SUPT16H: variants seen among roughly 807,000 people sequenced by gnomAD.
SUPT16H encodes SPT16 homolog, facilitates chromatin remodeling subunit.
A neutral mutation model predicts 136.2 loss-of-function variants in SUPT16H; 24 were observed. That is an observed-to-expected ratio of 0.18 (90% confidence interval 0.13 to 0.25). The LOEUF (loss-of-function observed/expected upper bound fraction) is 0.25. Ranked by LOEUF, SUPT16H falls within the 10% of genes least tolerant of loss-of-function variation. The pLI, the probability that SUPT16H is intolerant of heterozygous loss-of-function variation, is 1.00. For synonymous variants in SUPT16H, 415 were observed against 428.2 expected (o/e 0.97, Z 0.38); for missense variants, 623 against 1,270.2 (o/e 0.49, Z 7.74).
At chr14:21,381,373 T>C (rs1249310131) in intron 1 of SUPT16H, among the ~76,000 whole-genome samples, 2 of 152,150 alleles carry the variant, frequency 1.3e-5, no homozygotes, top group African/African-American at 4.8e-5. Flanking sequence ...TTCCTATTCT[T>C]ATTTTTAAAA....
At chr14:21,383,677 G>C (rs1470141240) in intron 1 of SUPT16H, 185 bp downstream of exon 1, 2 of 729,834 alleles carry the variant, frequency 2.7e-6, no homozygotes, top group South Asian at 1.5e-5. Flanking sequence ...GGGTGAATGC[G>C]GGGGATTCCC....
intron 1 of SUPT16H, 197 bp downstream of exon 1, chr14:21,383,665 C>T (rs1253109848): frequency 1.4e-6 from 1 of 721,426 alleles, no homozygotes; most frequent in Non-Finnish European, 2.5e-6. Flanking sequence ...GGCCGCAGGA[C>T]AGGGTGAATG....
chr14:21,374,311 T>C (rs996394689), intron 1 of SUPT16H, among the ~76,000 whole-genome samples: 16 of 152,270 alleles, frequency 1.1e-4, no homozygotes, highest in African/African-American at 3.9e-4. Context: ...TCAACCTCAA[T>C]ACCAATGTCC....
chr14:21,368,179 A>C, intron 7 of SUPT16H, 90 bp downstream of exon 7: 1 of 1,357,920 alleles, frequency 7.4e-7, no homozygotes, highest in African/African-American at 1.5e-5. Flanking sequence ...TCGGCCTCCC[A>C]GTGTAGGGAT....
At chr14:21,361,632 A>AT (rs1432576992) in intron 15 of SUPT16H, among the ~76,000 whole-genome samples, 1 of 151,398 alleles carries the variant, frequency 6.6e-6, no homozygotes, top group Non-Finnish European at 1.5e-5. Context: ...TTCTTTTTTC[A>AT]TTTTTCAAAT....
At chr14:21,358,067 A>T (rs1886473227) in intron 20 of SUPT16H, 65 bp from the exon 21 acceptor site, 2 of 1,438,558 alleles carry the variant, frequency 1.4e-6, no homozygotes, top group African/African-American at 2.8e-5. Context: ...CACAACAGAC[A>T]AACTTCTTCC....
In SUPT16H at chr14:21,377,371, C is replaced by T. The variant is rs370825002; in HGVS notation, c.67-3941G>A. On this transcript the variant is annotated intron_variant, in intron 1 of 25. Coordinates refer to ENST00000216297, the MANE Select transcript of SUPT16H (RefSeq NM_007192.4). ...CTGGAAATAGAATCATATCAGCCTT[C>T]TCAAAAGTAACACTGAAGTCTTTGA... Among the ~76,000 whole-genome samples, 13 of 152,334 alleles carry T rather than the reference C, an allele frequency of 8.5e-5. No homozygotes were observed. In the South Asian group the frequency reaches 2.7e-3, roughly 32 times the overall value.
chr14:21,352,316 A>G lies in SUPT16H; in HGVS notation c.*357T>C. ...TACGGGTAATTAAGGGTCACCTTGT[A>G]CCACTGTCTTGGAAATACAGCTTTG... On this transcript the variant is annotated 3_prime_UTR_variant, in exon 26 of 26. Transcript: ENST00000216297. 1 of 272,324 alleles carries G rather than the reference A, an allele frequency of 3.7e-6. No individual in the cohort carries two copies. Among genetic ancestry groups the G allele is most frequent in the South Asian group, 4.9e-5 (1 of 20,598 alleles). 16.9% of individuals were successfully genotyped at this position (272,324 alleles called of 1,614,324 possible).
rs2139391964 is a variant in SUPT16H, at chr14:21,352,513, TC to T, written c.*159del. On this transcript the variant is annotated 3_prime_UTR_variant, in exon 26 of 26. Coordinates refer to ENST00000216297, the MANE Select transcript of SUPT16H (RefSeq NM_007192.4). The stretch of plus-strand genomic sequence containing the variant: ...GCACGTGTCCTGGTGGGCCTGGAAT[TC>T]CCCGAGTAGATTGGTCCACACAAAT... 2 of 1,184,790 alleles carry T rather than the reference TC, an allele frequency of 1.7e-6. No individual in the cohort carries two copies. The highest frequency in any genetic ancestry group is 1.5e-5 in the South Asian group (1 of 67,970). The allele number at this position is 1,184,790 out of a possible 1,614,324, so 73.4% of individuals were successfully genotyped here.
chr14:21,368,538 G>T, intron 6 of SUPT16H, 97 bp from the exon 7 acceptor site: 1 of 1,321,916 alleles, frequency 7.6e-7, no homozygotes, highest in Non-Finnish European at 1.0e-6. Context: ...ACTTTTCCCT[G>T]CCATATCCCA....
chr14:21,358,280 C>T, intron 20 of SUPT16H, 35 bp downstream of exon 20: 1 of 1,273,644 alleles, frequency 7.9e-7, no homozygotes, highest in Non-Finnish European at 1.1e-6. Context: ...AAAGACAGAC[C>T]AGTCAAACTT....
At chr14:21,358,268 C>G (rs1205505093) in intron 20 of SUPT16H, 47 bp downstream of exon 20, 7 of 1,178,854 alleles carry the variant, frequency 5.9e-6, no homozygotes, top group Non-Finnish European at 7.4e-6. Context: ...TTTATTGTAC[C>G]AAAAGACAGA....
At position 21,369,317 on chromosome 14, in the gene SUPT16H, C is replaced by T. The variant is rs1288715504; in HGVS notation, c.669G>A (p.Lys223=). 1.2e-6 allele frequency: 2 copies of T among 1,614,012 alleles called. No individual in the cohort carries two copies. Among genetic ancestry groups the T allele is most frequent in the Admixed American group, 1.7e-5 (1 of 60,006 alleles). ...RHSKLAESVE[K]AIEEKKYLAG... is the part of the protein sequence containing the mutation. ...CAAGGTATTTTTTCTCTTCAATGGC[C>T]TTTTCCACAGACTCAGCCAGTTTGC... Residue 223 remains lysine, a synonymous_variant, in exon 6 of 26, where the codon AAG becomes AAA. Transcript: ENST00000216297.
rs1221318518 is a variant in SUPT16H, at chr14:21,351,964, AAAAG to A, written c.*705_*708del. On this transcript the variant is annotated 3_prime_UTR_variant, in exon 26 of 26. Coordinates refer to ENST00000216297, the MANE Select transcript of SUPT16H (RefSeq NM_007192.4). ...TATCTTCCTTAGATATATGAGAAAA[AAAAG>A]AAGACAGTGGCAATTTTGCCTTCTA... 10 of 152,626 alleles carry A rather than the reference AAAAG, an allele frequency of 6.6e-5. No homozygotes were observed. The highest frequency in any genetic ancestry group is 1.9e-4 in the African/African-American group (8 of 41,458). The allele number at this position is 152,626 out of a possible 1,614,324, so 9.5% of individuals were successfully genotyped here. A position where few individuals can be genotyped will look rare whatever the true frequency, so the allele number is the denominator to read the frequency against.
chr14:21,357,405 TCC>T (rs781159380), intron 21 of SUPT16H, 39 bp from the exon 22 acceptor site: 1 of 1,496,722 alleles, frequency 6.7e-7, no homozygotes, highest in Non-Finnish European at 9.0e-7. Flanking sequence ...TATAAGTATT[TCC>T]CCCAAAGCAA....
At chr14:21,371,852 C>T (rs905494986) in intron 3 of SUPT16H, 22 bp downstream of exon 3, 4 of 1,611,356 alleles carry the variant, frequency 2.5e-6, no homozygotes, top group South Asian at 1.1e-5. Flanking sequence ...ACATTTATGA[C>T]ACATTCTTTA....
intron 8 of SUPT16H, among the ~76,000 whole-genome samples, chr14:21,365,759 CAAACCA>C (rs755461010): frequency 0.018 from 2,716 of 151,550 alleles, 68 homozygotes; most frequent in African/African-American, 0.059. Flanking sequence ...ATTGAATAAA[CAAACCA>C]AAACCAAAAC....
chr14:21,367,491 G>C (rs1450327718), intron 7 of SUPT16H, among the ~76,000 whole-genome samples: 1 of 152,196 alleles, frequency 6.6e-6, no homozygotes, highest in East Asian at 1.9e-4. Flanking sequence ...GGTGGCCTCA[G>C]AGGGATCTTT....
At chr14:21,372,620 C>T (rs1886811340) in intron 2 of SUPT16H, 1 of 422,160 alleles carries the variant, frequency 2.4e-6, no homozygotes, top group Non-Finnish European at 4.6e-6. Context: ...GTAGATGAAA[C>T]ACCTGGAGTT....
Sources: allele counts gnomAD v4.1 joint callset (sites outside exome capture counted in the v4.1 genomes callset), GRCh38; gene constraint gnomAD v4.1.1; transcripts MANE v1.5; gene names NCBI Gene and HGNC (gene_info 2026-07-23, HGNC 2026-07-21).